The following SMAD7 variants were observed in gnomAD, a reference collection of about 807,000 sequenced individuals.
The protein encoded by SMAD7 is SMAD family member 7, also known as MAD (mothers against decapentaplegic, Drosophila) homolog 7.
SMAD7 carries 8 observed loss-of-function variants against 38.7 expected under a neutral mutation model. The ratio of observed to expected loss-of-function variants is 0.21; its 90% CI spans 0.12 to 0.37. The LOEUF is 0.37. SMAD7 is among the 10% of genes least tolerant of loss of function. The probability of loss-of-function intolerance (pLI) is 1.00; values close to 1 mark genes in which losing one functional copy is unlikely to be tolerated. For synonymous variants in SMAD7, 327 were observed against 265.1 expected, an observed-to-expected ratio of 1.23 and a Z score of -2.27; for missense variants, 477 against 577.9, an observed-to-expected ratio of 0.83 and a Z score of 1.79.
intron 3 of SMAD7, among the ~76,000 whole-genome samples, chr18:48,923,987 C>T (rs1030516939): frequency 6.6e-6 from 1 of 152,188 alleles, no homozygotes; most frequent in Admixed American, 6.5e-5. Flanking sequence ...GCTGAGGGAA[C>T]TCAGCTCTGA....
At chr18:48,922,149 A>G (rs1434697725) in intron 3 of SMAD7, among the ~76,000 whole-genome samples, 1 of 152,182 alleles carries the variant, frequency 6.6e-6, no homozygotes, top group African/African-American at 2.4e-5. Context: ...GCCCCTGCCC[A>G]TCAGGAGTCC....
chr18:48,930,367 C>G lies in SMAD7; in HGVS notation c.743-8457G>C, dbSNP rs375831770. Among the ~76,000 whole-genome samples the G allele has an allele frequency of 5.3e-5, 8 of 152,252 alleles. No individual in the cohort carries two copies. The East Asian group carries it at 1.4e-3, about 26-fold the overall frequency. ...AGACCCAAGCCCCCACTCCCTCTGG[C>G]GGGTCCTCCCACTCCTAACCTCCAG... On this transcript the variant is annotated intron_variant, in intron 3 of 3. Transcript: ENST00000262158.
At chr18:48,923,071 A>C (rs528482307) in intron 3 of SMAD7, among the ~76,000 whole-genome samples, 6 of 152,354 alleles carry the variant, frequency 3.9e-5, no homozygotes, top group African/African-American at 1.4e-4. Context: ...GCCAGACTGC[A>C]GGAACGCTGT....
At chr18:48,940,036 G>C (rs895895327) in intron 3 of SMAD7, among the ~76,000 whole-genome samples, 1 of 152,058 alleles carries the variant, frequency 6.6e-6, no homozygotes, top group African/African-American at 2.4e-5. Context: ...TTCCCTTTTG[G>C]AAGGCATTCT....
intron 3 of SMAD7, among the ~76,000 whole-genome samples, chr18:48,938,732 T>C (rs2070100103): frequency 6.6e-6 from 1 of 152,112 alleles, no homozygotes; most frequent in Non-Finnish European, 1.5e-5. Context: ...AGATGATAGC[T>C]TCCAACACAT....
chr18:48,939,934 A>AC (rs1327449621), intron 3 of SMAD7, among the ~76,000 whole-genome samples: 1 of 143,938 alleles, frequency 6.9e-6, no homozygotes, highest in Admixed American at 7.2e-5. Flanking sequence ...CACCCAGGCC[A>AC]CCCCCCATGG....
intron 3 of SMAD7, among the ~76,000 whole-genome samples, chr18:48,925,775 C>G (rs2069919716): frequency 6.6e-6 from 1 of 151,106 alleles, no homozygotes; most frequent in African/African-American, 2.4e-5. Flanking sequence ...GAGATGGAGT[C>G]TCGCTCTGTC....
Position 48,950,038 on chromosome 18 carries a change from G to T in SMAD7, c.387C>A (p.Pro129=). The T allele has an allele frequency of 6.9e-7, 1 of 1,447,260 alleles. No individual in the cohort carries two copies. Among genetic ancestry groups the T allele is most frequent in the Non-Finnish European group, 9.1e-7 (1 of 1,103,238 alleles). The allele number at this position is 1,447,260 out of a possible 1,614,324, so 89.7% of individuals were successfully genotyped here. Residue 129 remains proline, a synonymous_variant, in exon 1 of 4, where the codon CCC becomes CCA. Coordinates refer to ENST00000262158, the MANE Select transcript of SMAD7 (RefSeq NM_005904.4). ...GGCCCAGCCTGCAGTCCAGGCGGCC[G>T]GGCAGCAGGAGGCACGCGGTGCGCG... is the stretch of plus-strand genomic sequence containing the variant. ...GGTRTACLLL[P]GRLDCRLGPG... is the part of the protein sequence containing the mutation.
chr18:48,950,667 C>T lies in SMAD7; in HGVS notation c.-243G>A, dbSNP rs1333682949. 6.7e-6 allele frequency: 1 copy of T among 148,330 alleles called. No homozygotes were observed. Among genetic ancestry groups the T allele is most frequent in the Admixed American group, 6.7e-5 (1 of 14,844 alleles). 9.2% of individuals were successfully genotyped at this position (148,330 alleles called of 1,614,324 possible). Reference sequence around the variant, plus strand: ...CCGCCGGGGATCGGGGGCCTGCGCTCCGGCTGCCCCACCCCGCGCGGCCCG... The same window carrying T: ...CCGCCGGGGATCGGGGGCCTGCGCTTCGGCTGCCCCACCCCGCGCGGCCCG... On this transcript the variant is annotated 5_prime_UTR_variant, in exon 1 of 4. Transcript: ENST00000262158.
intron 3 of SMAD7, among the ~76,000 whole-genome samples, chr18:48,926,974 T>C (rs2069936017): frequency 6.6e-6 from 1 of 152,152 alleles, no homozygotes; most frequent in African/African-American, 2.4e-5. Context: ...GGTCTCTTGT[T>C]TTCAATAGGC....
chr18:48,938,639 C>T (rs949817126), intron 3 of SMAD7, among the ~76,000 whole-genome samples: 2 of 152,172 alleles, frequency 1.3e-5, no homozygotes, highest in African/African-American at 4.8e-5. Context: ...AAGGGAGATG[C>T]TGCTCCCTCA....
intron 3 of SMAD7, among the ~76,000 whole-genome samples, chr18:48,922,820 T>C (rs994427570): frequency 6.6e-6 from 1 of 152,096 alleles, no homozygotes; most frequent in Non-Finnish European, 1.5e-5. Flanking sequence ...CAGGGCGCCC[T>C]GCTCCGCCCT....
At position 48,920,463 on chromosome 18, in the gene SMAD7, A is replaced by C. The variant is rs1198090209; in HGVS notation, c.*909T>G. The C allele has an allele frequency of 6.6e-6, 1 of 152,334 alleles. No individual in the cohort carries two copies. The highest frequency in any genetic ancestry group is 2.4e-5 in the African/African-American group (1 of 41,424). The allele number at this position is 152,334 out of a possible 1,614,324, so 9.4% of individuals were successfully genotyped here. A position where few individuals can be genotyped will look rare whatever the true frequency, so the allele number is the denominator to read the frequency against. On this transcript the variant is annotated 3_prime_UTR_variant, in exon 4 of 4. Transcript: ENST00000262158. ...TGCTGGCCTAATAGCAGAGCTTAAC[A>C]CACAGGATGGGAGCAGGCAGTGCTG...
At position 48,943,061 on chromosome 18, in the gene SMAD7, C is replaced by T. The variant is rs1349150543; in HGVS notation, c.668-506G>A. On this transcript the variant is annotated intron_variant, in intron 2 of 3. Coordinates refer to ENST00000262158, the MANE Select transcript of SMAD7 (RefSeq NM_005904.4). Reference sequence around the variant, plus strand: ...TTCTTTCCCCTTTTTTAATTGAGGACTAACTTAAGTAGAGCAAAGTATACA... The same window carrying T: ...TTCTTTCCCCTTTTTTAATTGAGGATTAACTTAAGTAGAGCAAAGTATACA... 2.0e-5 allele frequency among the ~76,000 whole-genome samples: 3 copies of T among 152,192 alleles called. No homozygotes were observed. The East Asian group carries it at 5.8e-4, about 29-fold the overall frequency.
chr18:48,928,903 C>G (rs1568299359), intron 3 of SMAD7, among the ~76,000 whole-genome samples: 1 of 152,120 alleles, frequency 6.6e-6, no homozygotes, highest in Non-Finnish European at 1.5e-5. Context: ...ATCAAAAGCT[C>G]TTGTCTGTCT....
chr18:48,930,988 A>C (rs60385309), intron 3 of SMAD7, among the ~76,000 whole-genome samples: 1 of 152,228 alleles, frequency 6.6e-6, no homozygotes, highest in Non-Finnish European at 1.5e-5. Flanking sequence ...GCCTTAAAAA[A>C]GAAGGAAATT....
chr18:48,938,946 AG>A (rs2070102709), intron 3 of SMAD7, among the ~76,000 whole-genome samples: 1 of 152,162 alleles, frequency 6.6e-6, no homozygotes, highest in South Asian at 2.1e-4. Context: ...CCAGAGAGTC[AG>A]GCACAGACTG....
At chr18:48,948,876 G>A (rs1312771535) in intron 1 of SMAD7, among the ~76,000 whole-genome samples, 1 of 152,266 alleles carries the variant, frequency 6.6e-6, no homozygotes, top group Non-Finnish European at 1.5e-5. Flanking sequence ...GGGGGACACG[G>A]GGCTGCCCAT....
chr18:48,933,877 T>C (rs1196867800), intron 3 of SMAD7, among the ~76,000 whole-genome samples: 1 of 152,212 alleles, frequency 6.6e-6, no homozygotes, highest in Non-Finnish European at 1.5e-5. Context: ...AGGGCCCTTG[T>C]TGTGTTATGA....
Sources: gnomAD v4.1 joint callset for allele counts (sites outside exome capture counted in the v4.1 genomes callset) on GRCh38, gnomAD v4.1.1 for gene constraint, MANE v1.5 for transcripts, NCBI Gene and HGNC (gene_info 2026-07-23, HGNC 2026-07-21) for gene names.